Variants in DXO observed in about 807,000 individuals in gnomAD.
DXO encodes decapping exoribonuclease, also known as decapping and exoribonuclease protein.
In DXO, 42 loss-of-function variants were observed where a neutral mutation model predicts 39.8. The ratio of observed to expected loss-of-function variants is 1.06; its 90% CI spans 0.83 to 1.37. The LOEUF is 1.37. Ranked by LOEUF, DXO falls within the 40% of genes most tolerant of loss-of-function variation. DXO has a pLI of 0.00. For synonymous variants in DXO, 193 were observed against 200.4 expected, an observed-to-expected ratio of 0.96 and a Z score of 0.31; for missense variants, 495 against 513.0, an observed-to-expected ratio of 0.96 and a Z score of 0.34.
In DXO at chr6:31,970,433, G is replaced by T. The variant is rs771469399; in HGVS notation, c.858C>A (p.Val286=). ...TACGGAAGCCAGCAACAACATTCGGGACCCCTGGGAGGAATGACTGAGCCC... is the reference window on the plus strand; with the variant it reads ...TACGGAAGCCAGCAACAACATTCGGTACCCCTGGGAGGAATGACTGAGCCC... ...KWWAQSFLPG[V]PNVVAGFRNP... is the part of the protein sequence containing the mutation. The change falls in exon 5 of 7, where the codon GTC becomes GTA. Residue 286 remains valine (V), a synonymous_variant. Transcript: ENST00000337523. This position sits in a 1 kb window ranked among gnomAD's most constrained non-coding sequence, Gnocchi z 4.0. 6.2e-7 allele frequency: 1 copy of T among 1,614,122 alleles called. No homozygotes were observed. Among genetic ancestry groups the T allele is most frequent in the Non-Finnish European group, 8.5e-7 (1 of 1,180,010 alleles).
Position 31,970,392 on chromosome 6 carries a change from A to G in DXO, c.899T>C (p.Val300Ala). Residue 300 changes from valine (V) to alanine (A), a missense_variant, in exon 5 of 7, where the codon GTC becomes GCC. Val to Ala is a moderately conservative substitution (Grantham distance 64, BLOSUM62 0). Coordinates refer to ENST00000337523, the MANE Select transcript of DXO (RefSeq NM_005510.4). The surrounding 1 kb of genome is among the most constrained non-coding windows in gnomAD (Gnocchi z 4.0). Reference protein sequence around the residue: ...VAGFRNPDGFVSSLKTFPTMK... With the variant: ...VAGFRNPDGFASSLKTFPTMK... ...GGTAGGAAAGGTCTTGAGGGAAGAGACAAAACCGTCTGGGTTACGGAAGCC... is the reference window on the plus strand; with the variant it reads ...GGTAGGAAAGGTCTTGAGGGAAGAGGCAAAACCGTCTGGGTTACGGAAGCC... 6.2e-7 allele frequency: 1 copy of G among 1,614,116 alleles called. No individual in the cohort carries two copies. Among genetic ancestry groups the G allele is most frequent in the Non-Finnish European group, 8.5e-7 (1 of 1,180,016 alleles).
chr6:31,969,872 CATTACT>C lies in DXO; in HGVS notation c.1190_*4del. ...GAGATATGACTGCCTCCCTCTAAAGCATTACTATTTGGGAGAGGGAGTCTTGGGGGG... is the reference window on the plus strand; with the variant it reads ...GAGATATGACTGCCTCCCTCTAAAGCATTTGGGAGAGGGAGTCTTGGGGGG... On this transcript the variant is annotated stop_lost and 3_prime_UTR_variant, in exon 7 of 7. Transcript: ENST00000337523. This position sits in a 1 kb window ranked among gnomAD's most constrained non-coding sequence, Gnocchi z 6.1. The C allele has an allele frequency of 2.5e-6, 4 of 1,614,066 alleles. No homozygotes were observed. The highest frequency in any genetic ancestry group is 3.4e-6 in the Non-Finnish European group (4 of 1,180,014).
rs11334677 is a variant in DXO, at chr6:31,970,240, TG to T, written c.949-38del. On this transcript the variant is annotated intron_variant, in intron 5 of 6. Transcript: ENST00000337523. The surrounding 1 kb of genome is among the most constrained non-coding windows in gnomAD (Gnocchi z 4.0). Reference sequence around the variant, plus strand: ...AGAGGAGGAGGCAGAAGATGGGCAGTGGGGGTGGTGGGAGGAGAGAAGGCAG... The same window carrying T: ...AGAGGAGGAGGCAGAAGATGGGCAGTGGGGTGGTGGGAGGAGAGAAGGCAG... 0.025 allele frequency: 40,507 copies of T among 1,613,210 alleles called. 878 individuals are homozygous for T. Among genetic ancestry groups the T allele is most frequent in the East Asian group, 0.079 (3,521 of 44,852 alleles).
In DXO at chr6:31,972,029, A is replaced by G. The variant is rs138177994; in HGVS notation, c.-107T>C. 2.3e-5 allele frequency: 37 copies of G among 1,609,074 alleles called. No individual in the cohort carries two copies. The highest frequency in any genetic ancestry group is 8.4e-5 in the Admixed American group (5 of 59,850). On this transcript the variant is annotated 5_prime_UTR_variant, in exon 1 of 7. Coordinates refer to ENST00000337523, the MANE Select transcript of DXO (RefSeq NM_005510.4). This position sits in a 1 kb window ranked among gnomAD's most constrained non-coding sequence, Gnocchi z 6.3. ...AGTGGTTTTCTGCTTTCGATGATGC[A>G]ATCATTCAGCGACAGTGGCGGGCAA... is the stretch of plus-strand genomic sequence containing the variant.
rs1256997408 is a variant in DXO, at chr6:31,970,933, A to AT, written c.570dup (p.Phe191IlefsTer2). On this transcript the variant is annotated frameshift_variant, in exon 3 of 7. Transcript: ENST00000337523. LOFTEE classifies it high-confidence loss of function. The surrounding 1 kb of genome is among the most constrained non-coding windows in gnomAD (Gnocchi z 4.0). ...TCACCTGCACACATGTACTGCTCAA[A>AT]TTTGTATCCCATGTACATAAGCTCC... The AT allele has an allele frequency of 6.2e-7, 1 of 1,612,618 alleles. No individual in the cohort carries two copies. The highest frequency in any genetic ancestry group is 8.5e-7 in the Non-Finnish European group (1 of 1,179,838).
chr6:31,971,749 G>A lies in DXO; in HGVS notation c.-6-68C>T. The A allele has an allele frequency of 6.9e-7, 1 of 1,455,696 alleles. No homozygotes were observed. The highest frequency in any genetic ancestry group is 9.1e-7 in the Non-Finnish European group (1 of 1,096,522). The allele number at this position is 1,455,696 out of a possible 1,614,324, so 90.2% of individuals were successfully genotyped here. ...GCCTGGAGAAGGATGACTGGTTTAG[G>A]ACTAAGCGAGCCACCTGATCGCCAG... On this transcript the variant is annotated intron_variant, in intron 1 of 6. Coordinates refer to ENST00000337523, the MANE Select transcript of DXO (RefSeq NM_005510.4). This position sits in a 1 kb window ranked among gnomAD's most constrained non-coding sequence, Gnocchi z 4.5.
rs762497537 is a variant in DXO, at chr6:31,971,190, T to G, written c.357-43A>C. The G allele has an allele frequency of 1.3e-6, 2 of 1,594,938 alleles. No individual in the cohort carries two copies. Among genetic ancestry groups the G allele is most frequent in the Non-Finnish European group, 1.7e-6 (2 of 1,168,358 alleles). ...CAGGCTGAAGGTCTGACACAAGCAT[T>G]AGTGAGATGCTCCCCTCGAAGAATA... On this transcript the variant is annotated intron_variant, in intron 2 of 6. Coordinates refer to ENST00000337523, the MANE Select transcript of DXO (RefSeq NM_005510.4). The surrounding 1 kb of genome is among the most constrained non-coding windows in gnomAD (Gnocchi z 4.5).
In DXO at chr6:31,970,441, G is replaced by T. The variant is rs1019509825; in HGVS notation, c.850C>A (p.Pro284Thr). ...CCAGCAACAACATTCGGGACCCCTG[G>T]GAGGAATGACTGAGCCCACCATTTC... The part of the protein sequence containing the change: ...LLKWWAQSFL[P>T]GVPNVVAGFR... Residue 284 changes from proline (P) to threonine (T), a missense_variant, in exon 5 of 7, where the codon CCA becomes ACA. Pro to Thr is a conservative substitution (Grantham distance 38). Coordinates refer to ENST00000337523, the MANE Select transcript of DXO (RefSeq NM_005510.4). This position sits in a 1 kb window ranked among gnomAD's most constrained non-coding sequence, Gnocchi z 4.0. The T allele has an allele frequency of 3.1e-6, 5 of 1,614,128 alleles. No individual in the cohort carries two copies. The highest frequency in any genetic ancestry group is 4.2e-6 in the Non-Finnish European group (5 of 1,180,000).
In DXO at chr6:31,970,608, G is replaced by A. The variant is rs1773188497; in HGVS notation, c.810C>T (p.Tyr270=). 1 of 1,613,252 alleles carries A rather than the reference G, an allele frequency of 6.2e-7. No individual in the cohort carries two copies. Among genetic ancestry groups the A allele is most frequent in the South Asian group, 1.1e-5 (1 of 91,076 alleles). The part of the protein sequence containing the change: ...MHSPGQWRSF[Y]RHKLLKWWAQ... The stretch of plus-strand genomic sequence containing the variant: ...CCCTGCCCACCCCGATCCTGAACCT[G>A]TAGAAACTCCTCCATTGGCCAGGGC... The change falls in exon 4 of 7, where the codon TAC becomes TAT. Residue 270 remains tyrosine (Y), a splice_region_variant and synonymous_variant. Coordinates refer to ENST00000337523, the MANE Select transcript of DXO (RefSeq NM_005510.4). This position sits in a 1 kb window ranked among gnomAD's most constrained non-coding sequence, Gnocchi z 4.0.
Position 31,969,885 on chromosome 6 carries a change from G to A in DXO, c.1183C>T (p.Pro395Ser). The change falls in exon 7 of 7, where the codon CCC becomes TCC. Residue 395 changes from proline to serine, a missense_variant. By Grantham distance (74) the Pro-to-Ser change is moderately conservative. Coordinates refer to ENST00000337523, the MANE Select transcript of DXO (RefSeq NM_005510.4). This position sits in a 1 kb window ranked among gnomAD's most constrained non-coding sequence, Gnocchi z 6.1. ...DLPSPPKTPS[P>S]K ...CTCCCTCTAAAGCATTACTATTTGG[G>A]AGAGGGAGTCTTGGGGGGTGATGGG... 2 of 1,614,140 alleles carry A rather than the reference G, an allele frequency of 1.2e-6. No homozygotes were observed. Among genetic ancestry groups the A allele is most frequent in the South Asian group, 2.2e-5 (2 of 91,082 alleles).
Position 31,971,991 on chromosome 6 carries a change from C to G in DXO, c.-69G>C, listed in dbSNP as rs746331690. The G allele has an allele frequency of 6.3e-7, 1 of 1,596,212 alleles. No individual in the cohort carries two copies. Among genetic ancestry groups the G allele is most frequent in the Non-Finnish European group, 8.6e-7 (1 of 1,167,090 alleles). Reference sequence around the variant, plus strand: ...ACGTCATGGCAGGCACGCCAGAGGCCGAAGGATGCAAAAGTGGTTTTCTGC... The same window carrying G: ...ACGTCATGGCAGGCACGCCAGAGGCGGAAGGATGCAAAAGTGGTTTTCTGC... On this transcript the variant is annotated 5_prime_UTR_variant, in exon 1 of 7. Transcript: ENST00000337523. The surrounding 1 kb of genome is among the most constrained non-coding windows in gnomAD (Gnocchi z 4.5).
In DXO at chr6:31,970,871, T is replaced by G; in HGVS notation, c.592+41A>C. 4 of 1,611,148 alleles carry G rather than the reference T, an allele frequency of 2.5e-6. No homozygotes were observed. Among genetic ancestry groups the G allele is most frequent in the Non-Finnish European group, 3.4e-6 (4 of 1,178,734 alleles). ...CAGCAGGCGTGGGGGGCTCTCAACC[T>G]CTGGGAAGGGGAAGGGGGCTATGAA... is the stretch of plus-strand genomic sequence containing the variant. On this transcript the variant is annotated intron_variant, in intron 3 of 6. Transcript: ENST00000337523. The surrounding 1 kb of genome is among the most constrained non-coding windows in gnomAD (Gnocchi z 4.0).
rs1257574819 is a variant in DXO, at chr6:31,970,148, A to C, written c.1004T>G (p.Leu335Arg). 1.2e-6 allele frequency: 2 copies of C among 1,613,794 alleles called. No homozygotes were observed. The highest frequency in any genetic ancestry group is 1.7e-6 in the Non-Finnish European group (2 of 1,180,026). The stretch of plus-strand genomic sequence containing the variant: ...GACAACCGTGCTCTGGGCAAAGCTA[A>C]GGAAGGCGGCACAGAAGTTCATGCA... ...SVCMNFCAAFLSFAQSTVVQD... is the reference protein window; with the variant it reads ...SVCMNFCAAFRSFAQSTVVQD... Residue 335 changes from leucine (L) to arginine (R), a missense_variant, in exon 6 of 7, where the codon CTT becomes CGT. Coordinates refer to ENST00000337523, the MANE Select transcript of DXO (RefSeq NM_005510.4). This position sits in a 1 kb window ranked among gnomAD's most constrained non-coding sequence, Gnocchi z 4.0.
Position 31,971,231 on chromosome 6 carries a change from A to G in DXO, c.357-84T>C. Reference sequence around the variant, plus strand: ...TCGAAGAATAGTCTTGTTTCTTCTAAGGACTGATTCTCACCCCGGCTTTGG... The same window carrying G: ...TCGAAGAATAGTCTTGTTTCTTCTAGGGACTGATTCTCACCCCGGCTTTGG... On this transcript the variant is annotated intron_variant, in intron 2 of 6. Transcript: ENST00000337523. This position sits in a 1 kb window ranked among gnomAD's most constrained non-coding sequence, Gnocchi z 4.5. The G allele has an allele frequency of 6.4e-7, 1 of 1,558,950 alleles. No homozygotes were observed. Among genetic ancestry groups the G allele is most frequent in the Non-Finnish European group, 8.7e-7 (1 of 1,150,388 alleles).
chr6:31,970,824 G>C lies in DXO; in HGVS notation c.594C>G (p.Asp198Glu), dbSNP rs747205691. 2.5e-6 allele frequency: 4 copies of C among 1,612,730 alleles called. No homozygotes were observed. The Admixed American group carries it at 6.7e-5, about 27-fold the overall frequency. Reference sequence around the variant, plus strand: ...AGGGGTCTGGGGAGCTTCCAGGTTTGTCTGCACAAGGAGAGAAGCAGCAGC... The same window carrying C: ...AGGGGTCTGGGGAGCTTCCAGGTTTCTCTGCACAAGGAGAGAAGCAGCAGC... Reference protein sequence around the residue: ...GYKFEQYMCADKPGSSPDPSG... With the variant: ...GYKFEQYMCAEKPGSSPDPSG... Residue 198 changes from aspartate to glutamate, a missense_variant and splice_region_variant, in exon 4 of 7, where the codon GAC (aspartate) becomes GAG (glutamate). Asp to Glu is a conservative substitution (Grantham distance 45, BLOSUM62 2). Transcript: ENST00000337523. This position sits in a 1 kb window ranked among gnomAD's most constrained non-coding sequence, Gnocchi z 4.0.
In DXO at chr6:31,970,987, G is replaced by A. The variant is rs1212951594; in HGVS notation, c.517C>T (p.Gln173Ter). The A allele has an allele frequency of 1.9e-6, 3 of 1,612,902 alleles. No homozygotes were observed. In the African/African-American group the frequency reaches 4.0e-5, roughly 22 times the overall value. ...SEVETPNARA[Q>*]RLARPPLLRE... ...AGGAGCGGTGGCCGAGCAAGCCTCTGGGCCCGAGCGTTCGGTGTCTCCACT... is the reference window on the plus strand; with the variant it reads ...AGGAGCGGTGGCCGAGCAAGCCTCTAGGCCCGAGCGTTCGGTGTCTCCACT... The change falls in exon 3 of 7, where the codon CAG becomes TAG. Residue 173 changes from glutamine (Q) to a stop codon, truncating the protein, a stop_gained. Transcript: ENST00000337523. LOFTEE classifies it high-confidence loss of function. This position sits in a 1 kb window ranked among gnomAD's most constrained non-coding sequence, Gnocchi z 4.0.
rs753389054 is a variant in DXO, at chr6:31,970,855, T to TG, written c.593-31dup. 2.5e-5 allele frequency: 41 copies of TG among 1,611,272 alleles called. No individual in the cohort carries two copies. Among genetic ancestry groups the TG allele is most frequent in the Admixed American group, 3.3e-5 (2 of 59,944 alleles). ...ACAAGGAGAGAAGCAGCAGCAGGCG[T>TG]GGGGGGCTCTCAACCTCTGGGAAGG... On this transcript the variant is annotated intron_variant, in intron 3 of 6. Transcript: ENST00000337523. The surrounding 1 kb of genome is among the most constrained non-coding windows in gnomAD (Gnocchi z 4.0).
rs375449615 is a variant in DXO at position 31,971,454 on chromosome 6, G to T, written c.222C>A (p.Pro74=). ...CAAAGTTGGGGCCTGGACCGTTAGT[G>T]GGGGGTGGGCTATAGTAGCGCAGGG... ...ARALRYYSPP[P]TNGPGPNFDL... Residue 74 remains proline, a synonymous_variant, in exon 2 of 7, where the codon CCC becomes CCA. Coordinates refer to ENST00000337523, the MANE Select transcript of DXO (RefSeq NM_005510.4). This position sits in a 1 kb window ranked among gnomAD's most constrained non-coding sequence, Gnocchi z 4.5. 1.9e-6 allele frequency: 3 copies of T among 1,613,684 alleles called. No homozygotes were observed. The highest frequency in any genetic ancestry group is 1.7e-5 in the Admixed American group (1 of 60,006).
chr6:31,971,554 G>C lies in DXO; in HGVS notation c.122C>G (p.Pro41Arg). 6.2e-7 allele frequency: 1 copy of C among 1,614,206 alleles called. No individual in the cohort carries two copies. The highest frequency in any genetic ancestry group is 8.5e-7 in the Non-Finnish European group (1 of 1,180,046). The change falls in exon 2 of 7, where the codon CCT becomes CGT. Residue 41 changes from proline to arginine, a missense_variant. Transcript: ENST00000337523. This position sits in a 1 kb window ranked among gnomAD's most constrained non-coding sequence, Gnocchi z 4.5. ...CAGTTCCGAAGGGCGCCGGTAGAAA[G>C]GAAAGGGCCCAGAGTAGAGGGCAGG... The part of the protein sequence containing the change: ...TDPALYSGPF[P>R]FYRRPSELGC...
Sources: gnomAD v4.1 joint callset for allele counts on GRCh38, gnomAD v4.1.1 for gene constraint, Gnocchi (gnomAD v3.1) non-coding constraint, MANE v1.5 for transcripts, NCBI Gene and HGNC (gene_info 2026-07-23, HGNC 2026-07-21) for gene names.